The following NCOR2 variants were observed in gnomAD, a reference collection of about 807,000 sequenced individuals.
NCOR2 encodes the protein CTG repeat protein 26.
A neutral mutation model predicts 262.9 loss-of-function variants in NCOR2; 81 were observed. The ratio of observed to expected loss-of-function variants is 0.31; its 90% CI spans 0.26 to 0.37. NCOR2 has a LOEUF of 0.37. NCOR2 is among the 10% of genes least tolerant of loss of function. NCOR2 has a pLI of 1.00. For synonymous variants in NCOR2, 1,659 were observed against 1,559.3 expected (o/e 1.06, Z -1.51); for missense variants, 3,385 against 3,621.4 (o/e 0.93, Z 1.68).
intron 13 of NCOR2, among the ~76,000 whole-genome samples, chr12:124,417,620 C>CTCT (rs3837444): frequency 0.079 from 11,979 of 152,184 alleles, 877 homozygotes; most frequent in African/African-American, 0.19. Flanking sequence ...TTCCAAATAC[C>CTCT]TCTTGAGGCC....
intron 5 of NCOR2, among the ~76,000 whole-genome samples, chr12:124,458,419 C>A (rs1449937527): frequency 6.6e-6 from 1 of 152,202 alleles, no homozygotes. Flanking sequence ...AGAGCTGCCT[C>A]CGCCTACAGC....
At chr12:124,449,280 A>C (rs2045377474) in intron 7 of NCOR2, among the ~76,000 whole-genome samples, 1 of 152,192 alleles carries the variant, frequency 6.6e-6, no homozygotes, top group African/African-American at 2.4e-5. Context: ...CATCATTAGA[A>C]TACATCACAT....
At chr12:124,332,604 C>T in intron 42 of NCOR2, 137 bp from the exon 45 acceptor site, 1 of 1,119,996 alleles carries the variant, frequency 8.9e-7, no homozygotes, top group African/African-American at 1.5e-5. Flanking sequence ...CATCCCCTGC[C>T]TGGTAGAAGA....
intron 12 of NCOR2, among the ~76,000 whole-genome samples, chr12:124,422,231 G>A (rs1398648089): frequency 6.6e-6 from 1 of 152,244 alleles, no homozygotes; most frequent in Non-Finnish European, 1.5e-5. Context: ...AAGCCTGGCC[G>A]TGCAGCTCTC....
chr12:124,332,233 C>T (rs2035261179), intron 43 of NCOR2, 86 bp downstream of exon 45: 3 of 1,541,582 alleles, frequency 1.9e-6, no homozygotes, highest in African/African-American at 1.4e-5. Flanking sequence ...CCGTGGGTTT[C>T]TGCCACTGGG....
chr12:124,326,218 C>A, exon 46 of NCOR2: 1 of 1,537,998 alleles, frequency 6.5e-7, no homozygotes, highest in East Asian at 2.5e-5. Flanking sequence ...TCCTCCCACA[C>A]GCGGTTGGTG....
intron 7 of NCOR2, among the ~76,000 whole-genome samples, chr12:124,442,261 A>G (rs565708887): frequency 1.7e-4 from 26 of 152,250 alleles, no homozygotes; most frequent in African/African-American, 6.0e-4. Flanking sequence ...CTCCTGCCTC[A>G]GCCTCCTGAG....
intron 1 of NCOR2, among the ~76,000 whole-genome samples, chr12:124,525,634 G>A (rs565193198): frequency 6.6e-6 from 1 of 152,348 alleles, no homozygotes; most frequent in Admixed American, 6.5e-5. Flanking sequence ...GGCCCTACGT[G>A]GCACATGGAG....
At chr12:124,557,714 C>T (rs746708070) in intron 1 of NCOR2, among the ~76,000 whole-genome samples, 2 of 152,100 alleles carry the variant, frequency 1.3e-5, no homozygotes, top group Non-Finnish European at 2.9e-5. Flanking sequence ...AGGAGGGTGG[C>T]AGATGGCGTG....
At chr12:124,364,987 G>A (rs564897838) in intron 20 of NCOR2, among the ~76,000 whole-genome samples, 3 of 151,562 alleles carry the variant, frequency 2.0e-5, no homozygotes, top group African/African-American at 7.3e-5. Context: ...CTGCGTCTGC[G>A]GGTATGGAGG....
intron 18 of NCOR2, 48 bp from the exon 21 acceptor site, chr12:124,374,511 T>A: frequency 6.3e-7 from 1 of 1,585,534 alleles, no homozygotes; most frequent in Non-Finnish European, 8.6e-7. Flanking sequence ...CACCAAGTAG[T>A]GGGAGGGGAG....
At chr12:124,397,148 G>C (rs1449356194) in intron 16 of NCOR2, among the ~76,000 whole-genome samples, 3 of 152,344 alleles carry the variant, frequency 2.0e-5, no homozygotes, top group African/African-American at 7.2e-5. Flanking sequence ...ATAACCGAGA[G>C]TGAGCGTGCC....
intron 38 of NCOR2, chr12:124,336,031 G>A (rs566981405): frequency 1.0e-4 from 20 of 199,620 alleles, no homozygotes; most frequent in South Asian, 6.1e-4. Context: ...GGGTCCCCGG[G>A]GCCCCGCCTG....
chr12:124,455,919 A>G (rs1184110859), intron 6 of NCOR2, among the ~76,000 whole-genome samples: 1 of 152,216 alleles, frequency 6.6e-6, no homozygotes, highest in Non-Finnish European at 1.5e-5. Context: ...TCTACTGCCC[A>G]GGCTGGAGTG....
chr12:124,363,930 C>T (rs1045569988), intron 20 of NCOR2, 131 bp from the exon 23 acceptor site: 20 of 705,642 alleles, frequency 2.8e-5, no homozygotes, highest in Non-Finnish European at 3.6e-5. Flanking sequence ...AGACACGAGG[C>T]GACTGTGCAG....
chr12:124,427,881 GTCC>G (rs902763177), intron 10 of NCOR2, among the ~76,000 whole-genome samples: 81 of 152,250 alleles, frequency 5.3e-4, no homozygotes, highest in African/African-American at 1.6e-3. Flanking sequence ...GGAAGTGCCT[GTCC>G]TCCGGCCCAG....
chr12:124,374,347 C>T, intron 19 of NCOR2, 66 bp downstream of exon 21: 2 of 1,528,424 alleles, frequency 1.3e-6, no homozygotes, highest in Non-Finnish European at 1.8e-6. Context: ...TTGTGGAGGA[C>T]CGGGGACCTT....
chr12:124,422,740 CA>C (rs2043291453), intron 11 of NCOR2, among the ~76,000 whole-genome samples, 185 bp from the exon 14 acceptor site: 1 of 152,192 alleles, frequency 6.6e-6, no homozygotes. Context: ...GGTGGGGACC[CA>C]GGGGTAAGAG....
intron 30 of NCOR2, among the ~76,000 whole-genome samples, chr12:124,347,115 T>C (rs2036996815): frequency 6.6e-6 from 1 of 152,230 alleles, no homozygotes. Context: ...ACGCCTGTAA[T>C]CCCAACACTC....
Sources: allele counts gnomAD v4.1 joint callset (sites outside exome capture counted in the v4.1 genomes callset), GRCh38; gene constraint gnomAD v4.1.1; transcripts MANE v1.5; gene names NCBI Gene and HGNC (gene_info 2026-07-23, HGNC 2026-07-21).